ARHGEF9: variants seen among roughly 807,000 people sequenced by gnomAD.
ARHGEF9 encodes rho guanine nucleotide exchange factor 9.
ARHGEF9 carries 2 observed loss-of-function variants against 41.3 expected under a neutral mutation model. The ratio of observed to expected loss-of-function variants is 0.05; its 90% confidence interval spans 0.02 to 0.15. The LOEUF (loss-of-function observed/expected upper bound fraction) is 0.15. Ranked by LOEUF, ARHGEF9 falls within the 10% of genes least tolerant of loss-of-function variation. The pLI is 1.00. For missense variants in ARHGEF9, 225 were observed against 424.7 expected (o/e 0.53, Z 4.13); for synonymous variants, 160 against 154.4 (o/e 1.04, Z -0.27).
rs782469807 is a variant in ARHGEF9 at position 63,635,281 on chromosome X, A to C, written c.*2747T>G. ...AGATCCATTAGAAATATACACATAGAGAGGGGGGGAAAAAGAGAGAATAAT... is the reference window on the plus strand; with the variant it reads ...AGATCCATTAGAAATATACACATAGCGAGGGGGGGAAAAAGAGAGAATAAT... On this transcript the variant is annotated 3_prime_UTR_variant, in exon 10 of 10. Coordinates refer to ENST00000671741, the MANE Select transcript of ARHGEF9 (RefSeq NM_001353921.2). The C allele has an allele frequency of 4.1e-5, 21 of 511,216 alleles. No individual in the cohort carries two copies. In the African/African-American group the frequency reaches 4.6e-4, roughly 11 times the overall value. The allele number at this position is 511,216 out of a possible 1,213,427, so 42.1% of individuals were successfully genotyped here. A position where few individuals can be genotyped will look rare whatever the true frequency, so the allele number is the denominator to read the frequency against.
intron 2 of ARHGEF9, chrX:63,722,630 C>T (rs782560691): frequency 9.0e-6 from 1 of 110,914 alleles, no homozygotes; most frequent in Non-Finnish European, 1.9e-5. Context: ...TTCCCCCCAT[C>T]CTTGGATTTA....
chrX:63,767,902 C>A (rs1361129890), intron 1 of ARHGEF9, among the ~76,000 whole-genome samples: 1 of 111,883 alleles, frequency 8.9e-6, no homozygotes, highest in Non-Finnish European at 1.9e-5. Flanking sequence ...AGATATTCCC[C>A]CTCTTCCAGC....
chrX:63,783,509 G>T (rs2056415038), intron 1 of ARHGEF9, among the ~76,000 whole-genome samples: 1 of 111,603 alleles, frequency 9.0e-6, no homozygotes, highest in African/African-American at 3.3e-5. Flanking sequence ...ACCCGCCTCG[G>T]CCTCCCAAAG....
chrX:63,774,520 T>C (rs1381108241), intron 1 of ARHGEF9, among the ~76,000 whole-genome samples: 1 of 111,506 alleles, frequency 9.0e-6, no homozygotes, highest in Non-Finnish European at 1.9e-5. Flanking sequence ...CCAGTACACA[T>C]TGCCAGAATT....
intron 2 of ARHGEF9, among the ~76,000 whole-genome samples, chrX:63,716,429 G>A (rs2053308039): frequency 9.0e-6 from 1 of 111,584 alleles, no homozygotes; most frequent in African/African-American, 3.3e-5. Flanking sequence ...AAGTGACAGA[G>A]CTTTGGCAAA....
chrX:63,731,552 GTTTTTTTTTTT>G (rs1165184937), intron 1 of ARHGEF9, among the ~76,000 whole-genome samples: 1 of 75,878 alleles, frequency 1.3e-5, no homozygotes, highest in African/African-American at 4.9e-5. Context: ...CCCTGTCTCA[GTTTTTTTTTTT>G]TTTTTTTTTT....
chrX:63,696,060 T>C (rs1244276154), intron 4 of ARHGEF9, among the ~76,000 whole-genome samples: 5 of 111,367 alleles, frequency 4.5e-5, no homozygotes, highest in Admixed American at 9.6e-5. Context: ...CATTTTGCTA[T>C]AATAAATCAT....
At chrX:63,649,803 T>C (rs1406786323) in intron 8 of ARHGEF9, among the ~76,000 whole-genome samples, 1 of 111,738 alleles carries the variant, frequency 8.9e-6, no homozygotes, top group Non-Finnish European at 1.9e-5. Context: ...CAGAGAATAC[T>C]ATAAACACCT....
intron 8 of ARHGEF9, among the ~76,000 whole-genome samples, chrX:63,645,616 T>C (rs782040364): frequency 2.3e-3 from 256 of 112,391 alleles, no homozygotes; most frequent in African/African-American, 8.0e-3. Context: ...ATTTTCTTAA[T>C]CCAGTCTATC....
At position 63,674,077 on chromosome X, in the gene ARHGEF9, G is replaced by A; in HGVS notation, c.906C>T (p.Asp302=). 1 of 1,211,165 alleles carries A rather than the reference G, an allele frequency of 8.3e-7. No individual in the cohort carries two copies. The highest frequency in any genetic ancestry group is 1.1e-6 in the Non-Finnish European group (1 of 895,075). Residue 302 remains aspartate, a synonymous_variant, in exon 6 of 10, where the codon GAC becomes GAT. Transcript: ENST00000671741. The part of the protein sequence containing the change: ...NERKRRLENI[D]KIAQWQASVL... ...CAGAAGCCTGCCACTGAGCAATCTT[G>A]TCAATATTCTCTAAACGTCGCTTGC...
intron 1 of ARHGEF9, among the ~76,000 whole-genome samples, chrX:63,764,136 A>G (rs1209058027): frequency 1.8e-5 from 2 of 112,575 alleles, no homozygotes; most frequent in Non-Finnish European, 3.8e-5. Flanking sequence ...AAAACTAACA[A>G]CCTCATTAAA....
At chrX:63,690,841 A>T (rs1456218788) in intron 4 of ARHGEF9, among the ~76,000 whole-genome samples, 8 of 112,221 alleles carry the variant, frequency 7.1e-5, no homozygotes, top group Non-Finnish European at 1.1e-4. Context: ...TATGCAAATA[A>T]ATAAACGTGA....
intron 1 of ARHGEF9, chrX:63,755,095 G>A: frequency 1.1e-6 from 1 of 938,810 alleles, no homozygotes; most frequent in East Asian, 4.1e-5. Context: ...TCCCTGCCTT[G>A]CTGGCCCTAT....
intron 4 of ARHGEF9, among the ~76,000 whole-genome samples, chrX:63,692,773 G>A (rs782300572): frequency 5.4e-5 from 6 of 111,987 alleles, no homozygotes; most frequent in Admixed American, 4.7e-4. Flanking sequence ...GTTTATCACA[G>A]CACTATTCAA....
intron 2 of ARHGEF9, among the ~76,000 whole-genome samples, chrX:63,715,041 T>C (rs1222054710): frequency 3.6e-5 from 4 of 111,445 alleles, no homozygotes; most frequent in Non-Finnish European, 7.5e-5. Context: ...TGGGGGTGGA[T>C]TGGAGTGTAG....
intron 4 of ARHGEF9, among the ~76,000 whole-genome samples, chrX:63,696,520 T>C (rs1434713106): frequency 8.9e-6 from 1 of 111,880 alleles, no homozygotes; most frequent in Admixed American, 9.5e-5. Context: ...GAAGTCCATG[T>C]GTTCTTTTCC....
At chrX:63,720,934 A>G (rs1556413398) in intron 2 of ARHGEF9, among the ~76,000 whole-genome samples, 2 of 111,780 alleles carry the variant, frequency 1.8e-5, no homozygotes, top group Non-Finnish European at 3.8e-5. Flanking sequence ...TCTCCACTAT[A>G]TCCCACTCTA....
intron 1 of ARHGEF9, among the ~76,000 whole-genome samples, chrX:63,744,040 C>T (rs1402342820): frequency 8.9e-6 from 1 of 112,193 alleles, no homozygotes; most frequent in Non-Finnish European, 1.9e-5. Context: ...AAATGACAGA[C>T]AGAAATGAGG....
intron 2 of ARHGEF9, among the ~76,000 whole-genome samples, chrX:63,715,812 C>T (rs1180487687): frequency 2.7e-5 from 3 of 111,963 alleles, no homozygotes; most frequent in Non-Finnish European, 5.6e-5. Context: ...ATACCATCTA[C>T]AGACTGAGAG....
Sources: gnomAD v4.1 joint callset for allele counts (sites outside exome capture counted in the v4.1 genomes callset) on GRCh38, gnomAD v4.1.1 for gene constraint, MANE v1.5 for transcripts, NCBI Gene and HGNC (gene_info 2026-07-23, HGNC 2026-07-21) for gene names.